The following DOK6 variants were observed in gnomAD, a reference collection of about 807,000 sequenced individuals.
The protein encoded by DOK6 is downstream of tyrosine kinase 6.
Under a neutral mutation model 44.0 loss-of-function variants are expected in DOK6, and 22 were observed. The ratio of observed to expected loss-of-function variants is 0.50; its 90% CI spans 0.36 to 0.71. The LOEUF is 0.71. Among genes scored for constraint, DOK6 ranks in the 30% least tolerant of loss-of-function variants. The probability of loss-of-function intolerance (pLI) is 0.00; values close to 1 mark genes in which losing one functional copy is unlikely to be tolerated. For synonymous variants in DOK6, 166 were observed against 145.5 expected, an observed-to-expected ratio of 1.14 and a Z score of -1.01; for missense variants, 340 against 416.4, an observed-to-expected ratio of 0.82 and a Z score of 1.60.
intron 7 of DOK6, among the ~76,000 whole-genome samples, chr18:69,760,118 T>C (rs1979495964): frequency 6.6e-6 from 1 of 152,208 alleles, no homozygotes; most frequent in South Asian, 2.1e-4. Flanking sequence ...TTAGTTATAC[T>C]TTGATAATGG....
At chr18:69,677,700 A>T in intron 3 of DOK6, 34 bp from the exon 4 acceptor site, 9 of 1,611,790 alleles carry the variant, frequency 5.6e-6, no homozygotes, top group Non-Finnish European at 7.6e-6. Context: ...CCTAGGGAGC[A>T]TTGCTTGACT....
At chr18:69,701,038 C>A (rs955422711) in intron 5 of DOK6, among the ~76,000 whole-genome samples, 2 of 152,156 alleles carry the variant, frequency 1.3e-5, no homozygotes, top group Non-Finnish European at 2.9e-5. Flanking sequence ...TTGGATATGT[C>A]AAAATACTTT....
intron 3 of DOK6, among the ~76,000 whole-genome samples, chr18:69,606,219 C>A (rs1212707378): frequency 4.0e-5 from 6 of 151,734 alleles, no homozygotes; most frequent in African/African-American, 1.5e-4. Flanking sequence ...TTGCAGTAAG[C>A]TGAGATCACG....
chr18:69,427,523 C>T (rs1978674811), intron 1 of DOK6, among the ~76,000 whole-genome samples: 1 of 152,172 alleles, frequency 6.6e-6, no homozygotes, highest in South Asian at 2.1e-4. Context: ...GTAAATTACT[C>T]CAGCCATGTG....
intron 1 of DOK6, among the ~76,000 whole-genome samples, chr18:69,509,592 C>A (rs1014040100): frequency 7.1e-6 from 1 of 141,108 alleles, no homozygotes; most frequent in Non-Finnish European, 1.5e-5. Context: ...GAGCCGAGAT[C>A]GCGCCGCTGC....
intron 7 of DOK6, among the ~76,000 whole-genome samples, chr18:69,825,317 T>G (rs1216379588): frequency 6.6e-6 from 1 of 152,136 alleles, no homozygotes; most frequent in Non-Finnish European, 1.5e-5. Context: ...TCTTATCTTC[T>G]ACTGCAGTAG....
chr18:69,805,141 A>G (rs77839392), intron 7 of DOK6, among the ~76,000 whole-genome samples: 3,797 of 152,318 alleles, frequency 0.025, 64 homozygotes, highest in South Asian at 0.051. Flanking sequence ...AGAGCTATCA[A>G]TAAATCAGGA....
chr18:69,530,326 GC>G lies in DOK6; in HGVS notation c.67-34160del, dbSNP rs150800250. Among the ~76,000 whole-genome samples, 932 of 152,208 alleles carry G rather than the reference GC, an allele frequency of 6.1e-3. 8 individuals carry two copies. Among genetic ancestry groups the G allele is most frequent in the African/African-American group, 0.021 (868 of 41,536 alleles). The stretch of plus-strand genomic sequence containing the variant: ...GGGCAGACATTAGCTGCATCTTAAA[GC>G]AAAAACACTTTGTATGCCCTGTATG... On this transcript the variant is annotated intron_variant, in intron 1 of 7. Coordinates refer to ENST00000382713, the MANE Select transcript of DOK6 (RefSeq NM_152721.6).
At chr18:69,688,608 C>T (rs1273030359) in intron 4 of DOK6, among the ~76,000 whole-genome samples, 5 of 152,142 alleles carry the variant, frequency 3.3e-5, no homozygotes, top group African/African-American at 1.2e-4. Context: ...CTGCAACCTC[C>T]GCCTCCTGGG....
chr18:69,779,453 T>TACACACACAC (rs36016822), intron 7 of DOK6, among the ~76,000 whole-genome samples: 268 of 149,016 alleles, frequency 1.8e-3, no homozygotes, highest in African/African-American at 6.0e-3. Flanking sequence ...ACACACAGTC[T>TACACACACAC]ACACACACAC....
At chr18:69,668,522 G>A (rs925721691) in intron 3 of DOK6, among the ~76,000 whole-genome samples, 2 of 152,116 alleles carry the variant, frequency 1.3e-5, no homozygotes, top group Non-Finnish European at 2.9e-5. Context: ...TATTTTTGGA[G>A]TGTACTCATA....
intron 1 of DOK6, among the ~76,000 whole-genome samples, chr18:69,428,451 A>G (rs1978704924): frequency 6.6e-6 from 1 of 152,014 alleles, no homozygotes; most frequent in Non-Finnish European, 1.5e-5. Flanking sequence ...CTTTCAAGAA[A>G]GATTTCTTCT....
At chr18:69,539,680 AATTTT>A (rs1982217004) in intron 1 of DOK6, among the ~76,000 whole-genome samples, 1 of 152,058 alleles carries the variant, frequency 6.6e-6, no homozygotes, top group Non-Finnish European at 1.5e-5. Flanking sequence ...ATTAATGGCT[AATTTT>A]ATTTTGCAGG....
chr18:69,829,869 T>C (rs1981852714), intron 7 of DOK6, among the ~76,000 whole-genome samples: 1 of 152,006 alleles, frequency 6.6e-6, no homozygotes, highest in African/African-American at 2.4e-5. Context: ...ATATCTAATG[T>C]TAAGAAAGAA....
At chr18:69,476,109 T>G (rs1980254118) in intron 1 of DOK6, among the ~76,000 whole-genome samples, 1 of 138,236 alleles carries the variant, frequency 7.2e-6, no homozygotes, top group Admixed American at 7.0e-5. Context: ...GGCCTGGGGG[T>G]GGTGGAGGTT....
intron 3 of DOK6, among the ~76,000 whole-genome samples, chr18:69,655,483 T>C (rs1009076532): frequency 6.6e-6 from 1 of 152,086 alleles, no homozygotes; most frequent in South Asian, 2.1e-4. Context: ...TTGGGCGCGG[T>C]GGCTCACGCC....
At chr18:69,751,807 C>A (rs1979188870) in intron 6 of DOK6, among the ~76,000 whole-genome samples, 1 of 151,556 alleles carries the variant, frequency 6.6e-6, no homozygotes, top group African/African-American at 2.4e-5. Flanking sequence ...GGTTCCAGAG[C>A]AGCCTGGGCA....
chr18:69,603,648 G>A (rs532511959), intron 3 of DOK6, among the ~76,000 whole-genome samples: 46 of 152,112 alleles, frequency 3.0e-4, no homozygotes, highest in African/African-American at 9.4e-4. Context: ...GCGGGCGCCT[G>A]TAGTCCCACA....
chr18:69,665,279 G>A (rs1985627106), intron 3 of DOK6, among the ~76,000 whole-genome samples: 1 of 152,174 alleles, frequency 6.6e-6, no homozygotes, highest in Admixed American at 6.5e-5. Flanking sequence ...ATGCAAGGTT[G>A]TCCCTACAGC....
Sources: gnomAD v4.1 joint callset for allele counts (sites outside exome capture counted in the v4.1 genomes callset) on GRCh38, gnomAD v4.1.1 for gene constraint, MANE v1.5 for transcripts, NCBI Gene and HGNC (gene_info 2026-07-23, HGNC 2026-07-21) for gene names.